ZFYVE28: variants seen among roughly 807,000 people sequenced by gnomAD.
ZFYVE28 encodes zinc finger FYVE-type containing 28.
A neutral mutation model predicts 82.1 loss-of-function variants in ZFYVE28; 40 were observed. The observed-to-expected ratio is 0.49, with a 90% CI of 0.38 to 0.63. ZFYVE28 has a LOEUF of 0.63. ZFYVE28 is among the 30% of genes least tolerant of loss of function. The probability of loss-of-function intolerance (pLI) is 0.00; values close to 1 mark genes in which losing one functional copy is unlikely to be tolerated. For synonymous variants in ZFYVE28, 612 were observed against 546.1 expected (o/e 1.12, Z -1.68); for missense variants, 1,321 against 1,242.1 (o/e 1.06, Z -0.96).
rs539812213 is a variant in ZFYVE28 at position 2,390,072 on chromosome 4, T to C, written c.39+28213A>G. 5.9e-5 allele frequency among the ~76,000 whole-genome samples: 9 copies of C among 152,074 alleles called. No individual in the cohort carries two copies. The South Asian group carries it at 1.9e-3, about 32-fold the overall frequency. ...GGGTCCTTGCAGATGTGATTAAGGA[T>C]CTCGTGATGAGATCCTGAATTATCT... On this transcript the variant is annotated intron_variant, in intron 1 of 12. Coordinates refer to ENST00000290974, the MANE Select transcript of ZFYVE28 (RefSeq NM_020972.3).
intron 1 of ZFYVE28, among the ~76,000 whole-genome samples, chr4:2,380,216 G>A (rs766068862): frequency 1.3e-5 from 2 of 152,188 alleles, no homozygotes; most frequent in Non-Finnish European, 1.5e-5. Context: ...GGATGCATCC[G>A]GGGTTTTCTG....
At chr4:2,273,369 G>A (rs1736091806) in intron 9 of ZFYVE28, 80 bp from the exon 10 acceptor site, 1 of 1,251,872 alleles carries the variant, frequency 8.0e-7, no homozygotes, top group Non-Finnish European at 1.1e-6. Context: ...GGGCTGGGCA[G>A]ACCCAGCCAG....
Position 2,320,288 on chromosome 4 carries a change from A to G in ZFYVE28, c.702-17T>C, listed in dbSNP as rs1350651052. The G allele has an allele frequency of 6.2e-7, 1 of 1,612,050 alleles. No individual in the cohort carries two copies. The highest frequency in any genetic ancestry group is 8.5e-7 in the Non-Finnish European group (1 of 1,178,802). ...ACGAGGCCACTGCATTTGAGACACA[A>G]AAGCCAGGATGTCAGGCCCTGTGGC... is the stretch of plus-strand genomic sequence containing the variant. On this transcript the variant is annotated splice_polypyrimidine_tract_variant and intron_variant, in intron 6 of 12. Transcript: ENST00000290974. The surrounding 1 kb of genome is among the most constrained non-coding windows in gnomAD (Gnocchi z 5.1).
chr4:2,323,010 G>C (rs546477517), intron 6 of ZFYVE28, among the ~76,000 whole-genome samples: 1 of 152,284 alleles, frequency 6.6e-6, no homozygotes, highest in South Asian at 2.1e-4. Flanking sequence ...ATAAACATTC[G>C]TGTAGAAGTT....
At position 2,418,177 on chromosome 4, in the gene ZFYVE28, C is replaced by T; in HGVS notation, c.39+108G>A. On this transcript the variant is annotated intron_variant, in intron 1 of 12. Transcript: ENST00000290974. This position sits in a 1 kb window ranked among gnomAD's most constrained non-coding sequence, Gnocchi z 4.6. ...AGGATGTCGGCGGTGGGGGAAGAGGCCGGCCACGGACAGGGAAAGGGAGTC... is the reference window on the plus strand; with the variant it reads ...AGGATGTCGGCGGTGGGGGAAGAGGTCGGCCACGGACAGGGAAAGGGAGTC... The T allele has an allele frequency of 9.4e-7, 1 of 1,068,040 alleles. No individual in the cohort carries two copies. Among genetic ancestry groups the T allele is most frequent in the Admixed American group, 3.1e-5 (1 of 32,022 alleles). 66.2% of individuals were successfully genotyped at this position (1,068,040 alleles called of 1,614,324 possible).
At chr4:2,288,484 C>T (rs985569955) in intron 8 of ZFYVE28, among the ~76,000 whole-genome samples, 3 of 152,152 alleles carry the variant, frequency 2.0e-5, no homozygotes, top group African/African-American at 7.2e-5. Flanking sequence ...TCTGGGCTGG[C>T]AATAAGAGGA....
intron 1 of ZFYVE28, among the ~76,000 whole-genome samples, chr4:2,371,990 CT>C (rs1727610511): frequency 6.6e-6 from 1 of 152,206 alleles, no homozygotes; most frequent in South Asian, 2.1e-4. Flanking sequence ...CAGACCCCAA[CT>C]ATGACAGTGA....
At chr4:2,376,788 T>C (rs1728189850) in intron 1 of ZFYVE28, among the ~76,000 whole-genome samples, 1 of 152,206 alleles carries the variant, frequency 6.6e-6, no homozygotes, top group African/African-American at 2.4e-5. Flanking sequence ...TCACTGGGTA[T>C]GGTGACATGA....
intron 1 of ZFYVE28, among the ~76,000 whole-genome samples, chr4:2,413,161 C>T (rs927950578): frequency 2.6e-5 from 4 of 152,190 alleles, no homozygotes; most frequent in Admixed American, 2.0e-4. Flanking sequence ...ATGTGAGGTC[C>T]CACACTCCCC....
At chr4:2,311,651 T>G (rs978734369) in intron 7 of ZFYVE28, among the ~76,000 whole-genome samples, 1 of 152,242 alleles carries the variant, frequency 6.6e-6, no homozygotes, top group Non-Finnish European at 1.5e-5. Context: ...TATGATAAAC[T>G]TATTATTTCC....
intron 8 of ZFYVE28, among the ~76,000 whole-genome samples, chr4:2,275,546 A>T (rs1207331721): frequency 1.3e-5 from 2 of 152,216 alleles, no homozygotes; most frequent in Non-Finnish European, 2.9e-5. Flanking sequence ...TGCCACTGGC[A>T]TCCTGCACGG....
intron 8 of ZFYVE28, among the ~76,000 whole-genome samples, chr4:2,288,263 A>G (rs550845320): frequency 6.6e-6 from 1 of 152,206 alleles, no homozygotes; most frequent in Non-Finnish European, 1.5e-5. Flanking sequence ...CAGGGCCTCC[A>G]TCTCCTAAGC....
intron 1 of ZFYVE28, among the ~76,000 whole-genome samples, chr4:2,407,040 C>T (rs949922443): frequency 6.6e-6 from 1 of 152,070 alleles, no homozygotes; most frequent in Non-Finnish European, 1.5e-5. Flanking sequence ...ATTTCCACTC[C>T]CCCTTGCCAG....
chr4:2,323,175 C>G (rs552485740), intron 6 of ZFYVE28, among the ~76,000 whole-genome samples: 2 of 152,270 alleles, frequency 1.3e-5, no homozygotes, highest in East Asian at 3.9e-4. Flanking sequence ...TGCCAGCAAT[C>G]CAAGGGTTCT....
intron 1 of ZFYVE28, among the ~76,000 whole-genome samples, chr4:2,358,958 T>C (rs1304981192): frequency 1.3e-5 from 2 of 150,334 alleles, no homozygotes; most frequent in East Asian, 1.9e-4. Context: ...GGTGCCACTA[T>C]GGCCAGCCAA....
intron 2 of ZFYVE28, 97 bp downstream of exon 2, chr4:2,353,835 AG>A: frequency 7.8e-7 from 1 of 1,275,496 alleles, no homozygotes; most frequent in Non-Finnish European, 1.0e-6. Context: ...ACGCCACCAC[AG>A]GGGGCCAGCA....
rs112403525 is a variant in ZFYVE28, at chr4:2,303,945, C to T, written c.2051+344G>A. On this transcript the variant is annotated intron_variant, in intron 8 of 12. Transcript: ENST00000290974. ...GCTCCCACTGCCCCGCACAGGCACG[C>T]GGCTCACACCAGGGGCGGGATGGGC... Among the ~76,000 whole-genome samples, 763 of 152,354 alleles carry T rather than the reference C, an allele frequency of 5.0e-3. 25 individuals are homozygous for T. In the East Asian group the frequency reaches 0.072, roughly 14 times the overall value.
At chr4:2,304,152 C>A in intron 8 of ZFYVE28, 137 bp downstream of exon 8, 1 of 1,158,842 alleles carries the variant, frequency 8.6e-7, no homozygotes, top group African/African-American at 1.5e-5. Flanking sequence ...ACAGACCCCA[C>A]ACTCGGCCAG....
chr4:2,308,061 G>A (rs1716855290), intron 7 of ZFYVE28, among the ~76,000 whole-genome samples: 1 of 152,116 alleles, frequency 6.6e-6, no homozygotes, highest in Admixed American at 6.5e-5. Context: ...GTCCATCCTT[G>A]TACCATATCT....
Sources: allele counts gnomAD v4.1 joint callset (sites outside exome capture counted in the v4.1 genomes callset), GRCh38; gene constraint gnomAD v4.1.1; non-coding constraint Gnocchi (gnomAD v3.1); transcripts MANE v1.5; gene names NCBI Gene and HGNC (gene_info 2026-07-23, HGNC 2026-07-21).